The following SUGCT variants were observed in gnomAD, a reference collection of about 807,000 sequenced individuals.
SUGCT encodes succinyl-CoA:glutarate CoA-transferase.
SUGCT carries 41 observed loss-of-function variants against 55.0 expected under a neutral mutation model. That is an observed-to-expected ratio of 0.74 (90% CI 0.58 to 0.97). The LOEUF is 0.97. SUGCT is among the 50% of genes least tolerant of loss of function. The pLI is 0.00. For synonymous variants in SUGCT, 187 were observed against 200.4 expected (o/e 0.93, Z 0.56); for missense variants, 568 against 547.8 (o/e 1.04, Z -0.37).
At chr7:40,247,939 C>CTT (rs1479204224) in intron 7 of SUGCT, among the ~76,000 whole-genome samples, 7 of 150,036 alleles carry the variant, frequency 4.7e-5, no homozygotes, top group Admixed American at 4.0e-4. Context: ...TTTAAGAAAT[C>CTT]TTTGCTTACC....
chr7:40,302,992 C>T (rs1794627350), intron 8 of SUGCT, among the ~76,000 whole-genome samples: 1 of 152,120 alleles, frequency 6.6e-6, no homozygotes, highest in Non-Finnish European at 1.5e-5. Context: ...CAAACAATCC[C>T]ACTCTATTCT....
intron 9 of SUGCT, among the ~76,000 whole-genome samples, chr7:40,363,237 A>G (rs1434336800): frequency 2.0e-5 from 3 of 151,254 alleles, no homozygotes; most frequent in Non-Finnish European, 4.4e-5. Flanking sequence ...CGGTCTATCA[A>G]TTTTGTTGAT....
intron 12 of SUGCT, among the ~76,000 whole-genome samples, chr7:40,545,267 T>G (rs1794928556): frequency 6.6e-6 from 1 of 152,220 alleles, no homozygotes; most frequent in Non-Finnish European, 1.5e-5. Flanking sequence ...ATATTCGGTA[T>G]TTCTCAGTGA....
chr7:40,160,260 G>A lies in SUGCT; in HGVS notation c.101-20687G>A, dbSNP rs149351011. Among the ~76,000 whole-genome samples the A allele has an allele frequency of 6.5e-3, 986 of 152,114 alleles. 5 individuals are homozygous for A. Among genetic ancestry groups the A allele is most frequent in the African/African-American group, 0.023 (941 of 41,492 alleles). On this transcript the variant is annotated intron_variant, in intron 1 of 13. Coordinates refer to ENST00000335693, the MANE Select transcript of SUGCT (RefSeq NM_001193313.2). ...TTCTTTTTTTTTGAGATGGAGACCC[G>A]CTTTGTCGCCCAGGATGGAGTGCAG...
intron 12 of SUGCT, among the ~76,000 whole-genome samples, chr7:40,574,298 A>G (rs969551917): frequency 3.3e-5 from 5 of 152,204 alleles, no homozygotes; most frequent in Non-Finnish European, 7.3e-5. Context: ...GTTCTCCAAT[A>G]TAGCAAATGA....
At chr7:40,619,505 G>A (rs1009812920) in intron 12 of SUGCT, among the ~76,000 whole-genome samples, 2 of 151,910 alleles carry the variant, frequency 1.3e-5, no homozygotes, top group East Asian at 1.9e-4. Context: ...AATAATTTCT[G>A]CCAATTTTAT....
rs1259638411 is a variant in SUGCT, at chr7:40,299,159, C to T, written c.721-17601C>T. ...GTGTGTTTTGAATGTGTGTTTTGAC[C>T]GTAAACCAGGAGTTGCAAAGTCAAA... On this transcript the variant is annotated intron_variant, in intron 8 of 13. Transcript: ENST00000335693. Among the ~76,000 whole-genome samples, 10 of 152,074 alleles carry T rather than the reference C, an allele frequency of 6.6e-5. No homozygotes were observed. In the South Asian group the frequency reaches 1.0e-3, roughly 16 times the overall value.
intron 12 of SUGCT, among the ~76,000 whole-genome samples, chr7:40,507,991 A>G (rs1277519761): frequency 6.6e-6 from 1 of 152,164 alleles, no homozygotes; most frequent in Admixed American, 6.5e-5. Context: ...ATTGTTTTCA[A>G]CAATGCCCTT....
the SUGCT span, among the ~76,000 whole-genome samples, chr7:40,938,752 A>G: frequency 6.6e-6 from 1 of 151,776 alleles, no homozygotes; most frequent in African/African-American, 2.4e-5. Flanking sequence ...CCACTATACC[A>G]CTCTGAATGT....
At chr7:40,587,891 T>C (rs1188303093) in intron 12 of SUGCT, among the ~76,000 whole-genome samples, 1 of 151,538 alleles carries the variant, frequency 6.6e-6, no homozygotes, top group Non-Finnish European at 1.5e-5. Context: ...TTTCTTTTTC[T>C]TCTTTCTTTC....
chr7:40,486,250 A>G (rs1322559853), intron 11 of SUGCT, among the ~76,000 whole-genome samples: 2 of 152,230 alleles, frequency 1.3e-5, no homozygotes, highest in Non-Finnish European at 2.9e-5. Context: ...AGGTTATCCA[A>G]TATGCTGGCA....
chr7:40,937,175 C>G, the SUGCT span, among the ~76,000 whole-genome samples: 6 of 152,084 alleles, frequency 3.9e-5, no homozygotes, highest in African/African-American at 7.2e-5. Context: ...TCCTCCACCC[C>G]CTCACCACCA....
chr7:40,579,225 G>T (rs1462303070), intron 12 of SUGCT, among the ~76,000 whole-genome samples: 1 of 151,882 alleles, frequency 6.6e-6, no homozygotes, highest in African/African-American at 2.4e-5. Flanking sequence ...CTTGAAGACC[G>T]CCACTGACAC....
chr7:40,211,979 G>T (rs927255020), intron 6 of SUGCT, among the ~76,000 whole-genome samples: 4 of 152,082 alleles, frequency 2.6e-5, no homozygotes, highest in Non-Finnish European at 5.9e-5. Flanking sequence ...AACAAATAAT[G>T]TACCTTTTTT....
chr7:40,695,167 T>TTATATTTA (rs1554403265), intron 12 of SUGCT, among the ~76,000 whole-genome samples: 6 of 135,478 alleles, frequency 4.4e-5, no homozygotes, highest in Non-Finnish European at 7.9e-5. Flanking sequence ...AAACCCTTAT[T>TTATATTTA]TTTATTTATT....
At chr7:40,649,012 TAA>T (rs1800652545) in intron 12 of SUGCT, among the ~76,000 whole-genome samples, 2 of 152,224 alleles carry the variant, frequency 1.3e-5, no homozygotes, top group South Asian at 2.1e-4. Context: ...CTTAAAAACT[TAA>T]GAGAGCTATT....
chr7:41,029,292 C>G, the SUGCT span, among the ~76,000 whole-genome samples: 2 of 152,146 alleles, frequency 1.3e-5, no homozygotes, highest in African/African-American at 4.8e-5. Flanking sequence ...CGGCTATATC[C>G]GATCTTGTCT....
intron 12 of SUGCT, among the ~76,000 whole-genome samples, chr7:40,575,117 GGC>G (rs1401676676): frequency 7.1e-5 from 10 of 141,530 alleles, no homozygotes; most frequent in African/African-American, 3.1e-4. Context: ...GCAGGAGGGT[GGC>G]GGGGGTGGGG....
Position 40,415,060 on chromosome 7 carries a change from AAATCTATCTATCT to A in SUGCT, c.817-34225_817-34213del, listed in dbSNP as rs1471822691. Among the ~76,000 whole-genome samples the A allele has an allele frequency of 2.6e-3, 217 of 83,136 alleles. 1 individual carries two copies. In the East Asian group the frequency reaches 0.027, roughly 10 times the overall value. The allele number at this position is 83,136 out of a possible 152,430, so 54.5% of individuals were successfully genotyped here. Reference sequence around the variant, plus strand: ...ACTCTGTCACAAAAAAAAAAAAAAAAAATCTATCTATCTATCTATCTATCTATCTATCTATCTA... The same window carrying A: ...ACTCTGTCACAAAAAAAAAAAAAAAAATCTATCTATCTATCTATCTATCTA... On this transcript the variant is annotated intron_variant, in intron 9 of 13. Coordinates refer to ENST00000335693, the MANE Select transcript of SUGCT (RefSeq NM_001193313.2).
Sources: allele counts gnomAD v4.1 joint callset (sites outside exome capture counted in the v4.1 genomes callset), GRCh38; gene constraint gnomAD v4.1.1; transcripts MANE v1.5; gene names NCBI Gene and HGNC (gene_info 2026-07-23, HGNC 2026-07-21).